CDH9: variants seen among roughly 807,000 people sequenced by gnomAD.
CDH9 encodes cadherin-9.
CDH9 carries 28 observed loss-of-function variants against 70.9 expected under a neutral mutation model. The observed-to-expected ratio is 0.40, with a 90% confidence interval of 0.29 to 0.54. CDH9 has a LOEUF of 0.54. Among genes scored for constraint, CDH9 ranks in the 20% least tolerant of loss-of-function variants. The pLI, the probability that CDH9 is intolerant of heterozygous loss-of-function variation, is 0.59. For synonymous variants in CDH9, 409 were observed against 343.1 expected (o/e 1.19, Z -2.12); for missense variants, 874 against 984.4 (o/e 0.89, Z 1.50).
intron 1 of CDH9, among the ~76,000 whole-genome samples, chr5:26,997,932 T>A (rs1485160983): frequency 6.6e-6 from 1 of 152,190 alleles, no homozygotes; most frequent in Non-Finnish European, 1.5e-5. Context: ...TCTCTTGACC[T>A]CATGATCTGC....
chr5:26,934,456 C>T (rs748833513), intron 2 of CDH9, among the ~76,000 whole-genome samples: 5 of 152,004 alleles, frequency 3.3e-5, no homozygotes, highest in Non-Finnish European at 7.4e-5. Flanking sequence ...CAGAACAAGA[C>T]CCATCTCAAA....
At chr5:26,966,513 A>G (rs1293341160) in intron 2 of CDH9, among the ~76,000 whole-genome samples, 1 of 152,138 alleles carries the variant, frequency 6.6e-6, no homozygotes, top group Non-Finnish European at 1.5e-5. Flanking sequence ...TGTAACCTAA[A>G]GCATCATTTT....
intron 1 of CDH9, among the ~76,000 whole-genome samples, chr5:27,017,594 TGTTTTA>T (rs1247885838): frequency 1.3e-5 from 2 of 152,064 alleles, no homozygotes; most frequent in Non-Finnish European, 2.9e-5. Flanking sequence ...TTTGTTTGTT[TGTTTTA>T]GTTTTAGTTT....
intron 2 of CDH9, among the ~76,000 whole-genome samples, chr5:26,921,314 G>C (rs951176927): frequency 6.6e-6 from 1 of 152,060 alleles, no homozygotes; most frequent in Non-Finnish European, 1.5e-5. Flanking sequence ...GAAGAGAAGA[G>C]GGCAAAGGAG....
chr5:26,974,015 C>G (rs1481732718), intron 2 of CDH9, among the ~76,000 whole-genome samples: 1 of 152,116 alleles, frequency 6.6e-6, no homozygotes, highest in African/African-American at 2.4e-5. Flanking sequence ...GAGGCCAAGG[C>G]AGGCAGATCA....
chr5:27,026,353 C>A (rs770016335), intron 1 of CDH9, among the ~76,000 whole-genome samples: 12 of 151,734 alleles, frequency 7.9e-5, no homozygotes, highest in Non-Finnish European at 1.5e-4. Flanking sequence ...CATACCAGGG[C>A]TGTTTCACCT....
At chr5:26,918,092 A>T (rs1202757193) in intron 2 of CDH9, among the ~76,000 whole-genome samples, 2 of 152,180 alleles carry the variant, frequency 1.3e-5, no homozygotes, top group Non-Finnish European at 2.9e-5. Flanking sequence ...CCTGAATTCC[A>T]GAGGCATCTC....
intron 2 of CDH9, among the ~76,000 whole-genome samples, chr5:26,943,740 T>C (rs1240289539): frequency 6.6e-6 from 1 of 152,164 alleles, no homozygotes; most frequent in Non-Finnish European, 1.5e-5. Context: ...AGATAACAGA[T>C]GATGCATGAT....
intron 2 of CDH9, among the ~76,000 whole-genome samples, chr5:26,950,239 A>G (rs1579470890): frequency 1.3e-5 from 2 of 152,324 alleles, no homozygotes; most frequent in African/African-American, 2.4e-5. Context: ...GAATATTGTT[A>G]TGTCCACAAA....
intron 4 of CDH9, among the ~76,000 whole-genome samples, 163 bp downstream of exon 4, chr5:26,906,556 A>G (rs1740952088): frequency 6.6e-6 from 1 of 152,212 alleles, no homozygotes; most frequent in Non-Finnish European, 1.5e-5. Context: ...AGTTATTAAA[A>G]TAATAGAAAG....
chr5:26,987,375 GA>G (rs1396616200), intron 2 of CDH9, among the ~76,000 whole-genome samples: 1 of 151,824 alleles, frequency 6.6e-6, no homozygotes, highest in East Asian at 1.9e-4. Flanking sequence ...GATTGGTAAG[GA>G]AAAGGATGAT....
At chr5:27,018,916 CT>C (rs1216273614) in intron 1 of CDH9, among the ~76,000 whole-genome samples, 1 of 151,944 alleles carries the variant, frequency 6.6e-6, no homozygotes. Context: ...TTTAGTTTTT[CT>C]TTCCTCAGGC....
At position 26,904,850 on chromosome 5, in the gene CDH9, A is replaced by G. The variant is rs147984670; in HGVS notation, c.812-1026T>C. On this transcript the variant is annotated intron_variant, in intron 5 of 11. Transcript: ENST00000231021. Reference sequence around the variant, plus strand: ...GTTACAAAAATTTAGTTCTGGGTCTAGTCCTTAATATTTTATTATTACTCT... The same window carrying G: ...GTTACAAAAATTTAGTTCTGGGTCTGGTCCTTAATATTTTATTATTACTCT... Among the ~76,000 whole-genome samples the G allele has an allele frequency of 4.3e-3, 660 of 152,206 alleles. 1 individual carries two copies. Among genetic ancestry groups the G allele is most frequent in the African/African-American group, 0.015 (628 of 41,542 alleles).
chr5:27,031,402 T>TA (rs993247253), intron 1 of CDH9, among the ~76,000 whole-genome samples: 133 of 152,004 alleles, frequency 8.7e-4, no homozygotes, highest in African/African-American at 3.2e-3. Flanking sequence ...CAATCTGGGT[T>TA]AAAATCTCCT....
chr5:26,951,126 T>C (rs1291846575), intron 2 of CDH9, among the ~76,000 whole-genome samples: 1 of 151,710 alleles, frequency 6.6e-6, no homozygotes, highest in Non-Finnish European at 1.5e-5. Context: ...ACCCTGTCTC[T>C]ACTAAAAATA....
At chr5:27,030,018 TAGTAATA>T (rs1372608524) in intron 1 of CDH9, among the ~76,000 whole-genome samples, 1 of 151,968 alleles carries the variant, frequency 6.6e-6, no homozygotes, top group Admixed American at 6.6e-5. Context: ...CCATTAAAGG[TAGTAATA>T]AGTATACAAG....
At chr5:26,950,291 A>G (rs1741822349) in intron 2 of CDH9, among the ~76,000 whole-genome samples, 1 of 152,208 alleles carries the variant, frequency 6.6e-6, no homozygotes, top group Non-Finnish European at 1.5e-5. Context: ...TCCTTTGGTC[A>G]GTATCTCAGT....
At chr5:26,945,619 A>G (rs1389806240) in intron 2 of CDH9, among the ~76,000 whole-genome samples, 1 of 152,166 alleles carries the variant, frequency 6.6e-6, no homozygotes, top group Non-Finnish European at 1.5e-5. Context: ...CAGTTACCTA[A>G]TCAAACAAAT....
chr5:26,912,271 C>T (rs908850141), intron 3 of CDH9, among the ~76,000 whole-genome samples: 1 of 151,898 alleles, frequency 6.6e-6, no homozygotes, highest in Non-Finnish European at 1.5e-5. Context: ...CAAGGCATGA[C>T]AGAGTTCCTA....
Sources: allele counts gnomAD v4.1 joint callset (sites outside exome capture counted in the v4.1 genomes callset), GRCh38; gene constraint gnomAD v4.1.1; transcripts MANE v1.5; gene names NCBI Gene and HGNC (gene_info 2026-07-23, HGNC 2026-07-21).